The following TJAP1 variants were observed in gnomAD, a reference collection of about 807,000 sequenced individuals.
TJAP1 encodes the protein tight junction-associated protein 1.
A neutral mutation model predicts 42.0 loss-of-function variants in TJAP1; 27 were observed. The observed-to-expected ratio is 0.64, with a 90% CI of 0.47 to 0.89. The LOEUF is 0.89. TJAP1 is among the 40% of genes least tolerant of loss of function. The pLI is 0.00. For missense variants in TJAP1, 712 were observed against 726.9 expected, an observed-to-expected ratio of 0.98 and a Z score of 0.24; for synonymous variants, 257 against 288.4, an observed-to-expected ratio of 0.89 and a Z score of 1.10.
At chr6:43,494,455 C>T (rs1788583203) in intron 2 of TJAP1, among the ~76,000 whole-genome samples, 1 of 152,022 alleles carries the variant, frequency 6.6e-6, no homozygotes, top group Non-Finnish European at 1.5e-5. Context: ...CCCAAGAAGC[C>T]CCAGGCCACG....
intron 2 of TJAP1, among the ~76,000 whole-genome samples, chr6:43,488,578 T>G (rs1255006998): frequency 6.6e-6 from 1 of 152,228 alleles, no homozygotes; most frequent in Non-Finnish European, 1.5e-5. Flanking sequence ...ATTATCTGAT[T>G]TCTCAAATCC....
rs1283037495 is a variant in TJAP1 at position 43,501,758 on chromosome 6, A to ACT, written c.290+78_290+79dup. 7.0e-3 allele frequency: 3,453 copies of ACT among 491,180 alleles called. 57 individuals carry two copies. Among genetic ancestry groups the ACT allele is most frequent in the African/African-American group, 0.022 (630 of 28,954 alleles). The allele number at this position is 491,180 out of a possible 1,614,324, so 30.4% of individuals were successfully genotyped here. ...CACACACACACACACACACACACAC[A>ACT]CTCTCTCTGTCTCTCTCTCTCTCTG... On this transcript the variant is annotated intron_variant, in intron 6 of 10. Transcript: ENST00000372449.
In TJAP1 at chr6:43,492,243, C is replaced by T. The variant is rs766031509; in HGVS notation, c.-121-5638C>T. ...TTGCTTTGGGGCAGAATAATTCCCACTCTTTTTGGCTTTCAAAACCCTGTC... is the reference window on the plus strand; with the variant it reads ...TTGCTTTGGGGCAGAATAATTCCCATTCTTTTTGGCTTTCAAAACCCTGTC... On this transcript the variant is annotated intron_variant, in intron 2 of 10. Transcript: ENST00000372449. The surrounding 1 kb of genome is among the most constrained non-coding windows in gnomAD (Gnocchi z 4.2). Among the ~76,000 whole-genome samples the T allele has an allele frequency of 6.6e-6, 1 of 152,154 alleles. No individual in the cohort carries two copies. Among genetic ancestry groups the T allele is most frequent in the Non-Finnish European group, 1.5e-5 (1 of 68,032 alleles).
intron 2 of TJAP1, among the ~76,000 whole-genome samples, chr6:43,484,031 C>T (rs1398873902): frequency 1.3e-5 from 2 of 151,440 alleles, no homozygotes; most frequent in Non-Finnish European, 2.9e-5. Flanking sequence ...TGCACCATTG[C>T]ACTCCAGAAT....
At chr6:43,499,741 T>TCA (rs1419983809) in intron 4 of TJAP1, among the ~76,000 whole-genome samples, 1 of 152,232 alleles carries the variant, frequency 6.6e-6, no homozygotes, top group Admixed American at 6.5e-5. Flanking sequence ...CTCCATCTGG[T>TCA]CACAGTGCGT....
rs756506356 is a variant in TJAP1, at chr6:43,504,875, A to G, written c.694A>G (p.Ile232Val). Residue 232 changes from isoleucine (I) to valine (V), a missense_variant, in exon 11 of 11, where the codon ATT (isoleucine) becomes GTT (valine). Ile to Val is a conservative substitution (Grantham distance 29). Transcript: ENST00000372449. Reference sequence around the variant, plus strand: ...AGGGGCTGTGGTGCCTACCTCAGTCATTGCCCGAGTGTTAGAGAAGCCGGA... The same window carrying G: ...AGGGGCTGTGGTGCCTACCTCAGTCGTTGCCCGAGTGTTAGAGAAGCCGGA... 3 of 1,614,136 alleles carry G rather than the reference A, an allele frequency of 1.9e-6. No homozygotes were observed. The Admixed American group carries it at 5.0e-5, about 27-fold the overall frequency.
At chr6:43,486,711 G>C (rs1056295407) in intron 2 of TJAP1, among the ~76,000 whole-genome samples, 1 of 151,994 alleles carries the variant, frequency 6.6e-6, no homozygotes, top group Non-Finnish European at 1.5e-5. Context: ...TTTGGCTGCT[G>C]GCTGCTCCTT....
At position 43,495,161 on chromosome 6, in the gene TJAP1, C is replaced by T. The variant is rs1487057493; in HGVS notation, c.-121-2720C>T. ...AGGCTGCACCTGGTAGCTGGGTCTT[C>T]CTGGAGGGACCACTCTGATGCCATC... On this transcript the variant is annotated intron_variant, in intron 2 of 10. Transcript: ENST00000372449. This position sits in a 1 kb window ranked among gnomAD's most constrained non-coding sequence, Gnocchi z 4.6. Among the ~76,000 whole-genome samples the T allele has an allele frequency of 1.3e-5, 2 of 152,228 alleles. No individual in the cohort carries two copies. Among genetic ancestry groups the T allele is most frequent in the Non-Finnish European group, 2.9e-5 (2 of 68,024 alleles).
At chr6:43,486,366 T>TG (rs1786519074) in intron 2 of TJAP1, among the ~76,000 whole-genome samples, 1 of 144,260 alleles carries the variant, frequency 6.9e-6, no homozygotes, top group African/African-American at 2.6e-5. Flanking sequence ...TTTTTTTTTT[T>TG]TTTTTTTGAG....
At chr6:43,500,907 C>G in intron 5 of TJAP1, 135 bp downstream of exon 5, 4 of 981,290 alleles carry the variant, frequency 4.1e-6, no homozygotes, top group South Asian at 4.1e-5. Context: ...TTTAGGGACT[C>G]TGGGAGGAGT....
intron 2 of TJAP1, among the ~76,000 whole-genome samples, chr6:43,484,536 C>T (rs1786024238): frequency 6.6e-6 from 1 of 152,166 alleles, no homozygotes; most frequent in Non-Finnish European, 1.5e-5. Flanking sequence ...TGGAGCTCTG[C>T]AAATAGGAAA....
rs989496089 is a variant in TJAP1, at chr6:43,495,560, T to C, written c.-121-2321T>C. ...TGGTGGATTGTCTTCCCAGTGGGCATTGCCTTCTGCTTCCTTAGTTGGGAG... is the reference window on the plus strand; with the variant it reads ...TGGTGGATTGTCTTCCCAGTGGGCACTGCCTTCTGCTTCCTTAGTTGGGAG... On this transcript the variant is annotated intron_variant, in intron 2 of 10. Coordinates refer to ENST00000372449, the Ensembl canonical transcript of TJAP1. This position sits in a 1 kb window ranked among gnomAD's most constrained non-coding sequence, Gnocchi z 4.6. 2.0e-5 allele frequency among the ~76,000 whole-genome samples: 3 copies of C among 152,200 alleles called. No individual in the cohort carries two copies. Among genetic ancestry groups the C allele is most frequent in the African/African-American group, 7.2e-5 (3 of 41,440 alleles).
rs2127671074 is a variant in TJAP1, at chr6:43,505,709, C to T, written c.1528C>T (p.Pro510Ser). ...CATTAACAGGGGCACAGAGGAGGGG[C>T]CAGGCACTTCCCACACCGAGGGCAG... is the stretch of plus-strand genomic sequence containing the variant. Residue 510 changes from proline (P) to serine (S), a missense_variant, in exon 11 of 11, where the codon CCA becomes TCA. Around this residue, in one of 3 missense-constraint regions of TJAP1, gnomAD observed 549 missense variants for 528.2 expected, o/e 1.04. Transcript: ENST00000372449. The surrounding 1 kb of genome is among the most constrained non-coding windows in gnomAD (Gnocchi z 5.5). The T allele has an allele frequency of 6.3e-7, 1 of 1,584,954 alleles. No homozygotes were observed. Among genetic ancestry groups the T allele is most frequent in the South Asian group, 1.1e-5 (1 of 87,780 alleles).
At chr6:43,486,945 C>T (rs981677025) in intron 2 of TJAP1, among the ~76,000 whole-genome samples, 1 of 152,118 alleles carries the variant, frequency 6.6e-6, no homozygotes, top group Non-Finnish European at 1.5e-5. Flanking sequence ...ATGTGCATTG[C>T]GTTGTGGCAT....
chr6:43,505,598 A>G lies in TJAP1; in HGVS notation c.1417A>G (p.Thr473Ala), dbSNP rs1232529212. 1 of 1,613,420 alleles carries G rather than the reference A, an allele frequency of 6.2e-7. No individual in the cohort carries two copies. Among genetic ancestry groups the G allele is most frequent in the Non-Finnish European group, 8.5e-7 (1 of 1,180,030 alleles). ...CGAAGAGAGTGAGCTTTTGCTACCC[A>G]CAGAACCTGACTCTGGCTTTCCCAG... Residue 473 changes from threonine (T) to alanine (A), a missense_variant, in exon 11 of 11, where the codon ACA becomes GCA. Physicochemically the swap from Thr to Ala is moderately conservative, Grantham distance 58 (BLOSUM62 0). Transcript: ENST00000372449. The surrounding 1 kb of genome is among the most constrained non-coding windows in gnomAD (Gnocchi z 5.5).
intron 2 of TJAP1, among the ~76,000 whole-genome samples, chr6:43,494,648 C>CTTTTTTTTT (rs775378416): frequency 8.7e-6 from 1 of 114,400 alleles, no homozygotes; most frequent in Non-Finnish European, 1.7e-5. Context: ...TGTTGATTTC[C>CTTTTTTTTT]TTTTTTTTTT....
rs1788838420 is a variant in TJAP1 at position 43,495,200 on chromosome 6, T to C, written c.-121-2681T>C. Among the ~76,000 whole-genome samples the C allele has an allele frequency of 6.6e-6, 1 of 152,258 alleles. No individual in the cohort carries two copies. The highest frequency in any genetic ancestry group is 2.4e-5 in the African/African-American group (1 of 41,480). ...TCTGATGCCATCTGCCTCACCCCTT[T>C]ACCTTCTCCCAGCTTGCAGGCCAAG... On this transcript the variant is annotated intron_variant, in intron 2 of 10. Coordinates refer to ENST00000372449, the Ensembl canonical transcript of TJAP1. The surrounding 1 kb of genome is among the most constrained non-coding windows in gnomAD (Gnocchi z 4.6).
chr6:43,479,459 AC>A (rs1309392286), intron 2 of TJAP1, among the ~76,000 whole-genome samples: 2 of 152,186 alleles, frequency 1.3e-5, no homozygotes, highest in Non-Finnish European at 2.9e-5. Context: ...AATTGTAATC[AC>A]CCAAGGGTAG....
chr6:43,503,593 C>G, intron 9 of TJAP1, 30 bp from the exon 10 acceptor site: 2 of 1,612,862 alleles, frequency 1.2e-6, no homozygotes. Flanking sequence ...GAGGGCTGGG[C>G]TGGGCTCTGA....
Sources: gnomAD v4.1 joint callset for allele counts (sites outside exome capture counted in the v4.1 genomes callset) on GRCh38, gnomAD v4.1.1 for gene constraint, gnomAD v4.1.1 regional missense constraint, Gnocchi (gnomAD v3.1) non-coding constraint, MANE v1.5 for transcripts, NCBI Gene and HGNC (gene_info 2026-07-23, HGNC 2026-07-21) for gene names.